PTPRT: variants seen among roughly 807,000 people sequenced by gnomAD.
PTPRT encodes the protein protein tyrosine phosphatase receptor type T.
PTPRT carries 56 observed loss-of-function variants against 176.8 expected under a neutral mutation model. The ratio of observed to expected loss-of-function variants is 0.32; its 90% confidence interval spans 0.26 to 0.40. The LOEUF is 0.40. Among genes scored for constraint, PTPRT ranks in the 10% least tolerant of loss-of-function variants. The pLI is 1.00. For synonymous variants in PTPRT, 783 were observed against 739.0 expected (o/e 1.06, Z -0.96); for missense variants, 1,540 against 1,908.2 (o/e 0.81, Z 3.60).
At chr20:42,719,537 G>A (rs905346955) in intron 6 of PTPRT, among the ~76,000 whole-genome samples, 1 of 152,146 alleles carries the variant, frequency 6.6e-6, no homozygotes, top group African/African-American at 2.4e-5. Flanking sequence ...GTGGTCCTTG[G>A]GCAAGTTATT....
chr20:42,713,549 T>C (rs1483888593), intron 6 of PTPRT, among the ~76,000 whole-genome samples: 1 of 152,150 alleles, frequency 6.6e-6, no homozygotes, highest in Non-Finnish European at 1.5e-5. Flanking sequence ...ATACCTTAAA[T>C]GAAACTGTAA....
chr20:42,527,205 C>T (rs1248597277), intron 7 of PTPRT, among the ~76,000 whole-genome samples: 4 of 151,932 alleles, frequency 2.6e-5, no homozygotes, highest in African/African-American at 7.3e-5. Context: ...CCTCGTGATC[C>T]GCCTGCCTCG....
In PTPRT at chr20:43,098,918, G is replaced by A. The variant is rs1042034754; in HGVS notation, c.88+90728C>T. Reference sequence around the variant, plus strand: ...AGTGGGAACTGCCCTCAATCATTCTGACAGGTATTTCTCTTGCCGCCCACA... The same window carrying A: ...AGTGGGAACTGCCCTCAATCATTCTAACAGGTATTTCTCTTGCCGCCCACA... On this transcript the variant is annotated intron_variant, in intron 1 of 30. Coordinates refer to ENST00000373187, the MANE Select transcript of PTPRT (RefSeq NM_007050.6). Among the ~76,000 whole-genome samples the A allele has an allele frequency of 2.0e-5, 3 of 152,018 alleles. No individual in the cohort carries two copies. The South Asian group carries it at 6.2e-4, about 32-fold the overall frequency.
chr20:42,072,492 C>T (rs1982395654), downstream of PTPRT, among the ~76,000 whole-genome samples: 1 of 152,226 alleles, frequency 6.6e-6, no homozygotes, highest in Non-Finnish European at 1.5e-5. Flanking sequence ...CAGTGATTCT[C>T]ATGCCACTGC....
chr20:42,515,822 T>C (rs894947988), intron 7 of PTPRT, among the ~76,000 whole-genome samples: 3 of 151,226 alleles, frequency 2.0e-5, no homozygotes, highest in African/African-American at 7.3e-5. Flanking sequence ...TATTGCGGCA[T>C]TATTCACAAT....
At chr20:42,750,021 AAACTT>A (rs1432030564) in intron 6 of PTPRT, among the ~76,000 whole-genome samples, 3 of 152,206 alleles carry the variant, frequency 2.0e-5, no homozygotes, top group Non-Finnish European at 4.4e-5. Flanking sequence ...TGCTGAAAAA[AAACTT>A]AAAAAGGAAA....
chr20:42,984,135 G>C (rs1211908274), intron 1 of PTPRT, among the ~76,000 whole-genome samples: 2 of 152,206 alleles, frequency 1.3e-5, no homozygotes, highest in Admixed American at 1.3e-4. Flanking sequence ...CAAGCACACA[G>C]CTCCCCATAT....
chr20:42,048,856 T>C, the PTPRT span, among the ~76,000 whole-genome samples: 1 of 152,338 alleles, frequency 6.6e-6, no homozygotes, highest in African/African-American at 2.4e-5. Flanking sequence ...ACTTTCGCTC[T>C]TATTGCCCAG....
chr20:42,715,449 A>G (rs1311353177), intron 6 of PTPRT, among the ~76,000 whole-genome samples: 3 of 152,226 alleles, frequency 2.0e-5, no homozygotes, highest in Non-Finnish European at 4.4e-5. Context: ...AAATCACAGC[A>G]GAGACATCAG....
chr20:42,641,755 G>A (rs1205284109), intron 7 of PTPRT, among the ~76,000 whole-genome samples: 1 of 152,096 alleles, frequency 6.6e-6, no homozygotes, highest in African/African-American at 2.4e-5. Flanking sequence ...GACCAAGAGT[G>A]GTAAAGAGAG....
At chr20:42,131,152 C>T (rs530860881) in intron 18 of PTPRT, among the ~76,000 whole-genome samples, 27 of 152,316 alleles carry the variant, frequency 1.8e-4, no homozygotes, top group African/African-American at 6.5e-4. Flanking sequence ...GGCACTACAG[C>T]TGGAGTGTGT....
At position 42,072,813 on chromosome 20, in the gene PTPRT, C is replaced by T. The variant is rs2146042860; in HGVS notation, c.*8066G>A. On this transcript the variant is annotated 3_prime_UTR_variant, in exon 31 of 31. Coordinates refer to ENST00000373187, the MANE Select transcript of PTPRT (RefSeq NM_007050.6). ...TATTGTATAGATTTTTTAACACAGC[C>T]ATGTTACAAACATTGTCAGGGAACA... The T allele has an allele frequency of 4.6e-6, 1 of 218,652 alleles. No homozygotes were observed. Among genetic ancestry groups the T allele is most frequent in the African/African-American group, 2.2e-5 (1 of 44,538 alleles). 13.5% of individuals were successfully genotyped at this position (218,652 alleles called of 1,614,324 possible).
intron 16 of PTPRT, among the ~76,000 whole-genome samples, chr20:42,162,536 T>A (rs1250245058): frequency 6.6e-6 from 1 of 152,186 alleles, no homozygotes; most frequent in African/African-American, 2.4e-5. Flanking sequence ...CCAGTTTACC[T>A]TTCCCAGAAC....
chr20:42,225,746 G>A (rs369981812), intron 15 of PTPRT, among the ~76,000 whole-genome samples: 2 of 152,252 alleles, frequency 1.3e-5, no homozygotes, highest in South Asian at 2.1e-4. Context: ...CCCGCCTCCC[G>A]GCTTCAAGCG....
intron 6 of PTPRT, among the ~76,000 whole-genome samples, chr20:42,729,974 CT>C (rs1386684714): frequency 6.6e-6 from 1 of 152,184 alleles, no homozygotes; most frequent in Non-Finnish European, 1.5e-5. Context: ...ACGCACTGTG[CT>C]ATGAGCCCAG....
chr20:42,032,865 C>G, the PTPRT span, among the ~76,000 whole-genome samples: 1 of 152,124 alleles, frequency 6.6e-6, no homozygotes, highest in Non-Finnish European at 1.5e-5. Context: ...CTGAGTATTT[C>G]AGTGCTGCAG....
intron 2 of PTPRT, among the ~76,000 whole-genome samples, chr20:42,820,054 T>C (rs1198966150): frequency 6.6e-6 from 1 of 152,220 alleles, no homozygotes; most frequent in Non-Finnish European, 1.5e-5. Flanking sequence ...AACTCAGCTC[T>C]GGATCAAGTG....
intron 9 of PTPRT, among the ~76,000 whole-genome samples, chr20:42,373,761 T>C (rs1238300655): frequency 6.6e-6 from 1 of 152,184 alleles, no homozygotes; most frequent in Non-Finnish European, 1.5e-5. Flanking sequence ...AACCAGAGAA[T>C]GAAAGGTCAG....
intron 16 of PTPRT, among the ~76,000 whole-genome samples, chr20:42,189,693 G>A (rs1302855572): frequency 6.6e-6 from 1 of 152,138 alleles, no homozygotes; most frequent in Non-Finnish European, 1.5e-5. Context: ...AACTAGAACG[G>A]TCGTGTCCCT....
Sources: allele counts gnomAD v4.1 joint callset (sites outside exome capture counted in the v4.1 genomes callset), GRCh38; gene constraint gnomAD v4.1.1; transcripts MANE v1.5; gene names NCBI Gene and HGNC (gene_info 2026-07-23, HGNC 2026-07-21).